ITPR1: variants seen among roughly 807,000 people sequenced by gnomAD.
ITPR1 encodes the protein inositol 1,4,5-trisphosphate receptor type 1.
A neutral mutation model predicts 318.4 loss-of-function variants in ITPR1; 96 were observed. The observed-to-expected ratio is 0.30, with a 90% CI of 0.26 to 0.36. The LOEUF (loss-of-function observed/expected upper bound fraction) is 0.36. Ranked by LOEUF, ITPR1 falls within the 10% of genes least tolerant of loss-of-function variation. The probability of loss-of-function intolerance (pLI) is 1.00; values close to 1 mark genes in which losing one functional copy is unlikely to be tolerated. For synonymous variants in ITPR1, 1,312 were observed against 1,289.9 expected, an observed-to-expected ratio of 1.02 and a Z score of -0.37; for missense variants, 2,440 against 3,460.2, an observed-to-expected ratio of 0.71 and a Z score of 7.40.
rs749264815 is a variant in ITPR1 at position 4,539,984 on chromosome 3, C to CAAAA, written c.163+18903_163+18906dup. Among the ~76,000 whole-genome samples, 168 of 94,396 alleles carry CAAAA rather than the reference C, an allele frequency of 1.8e-3. 2 individuals carry two copies. The highest frequency in any genetic ancestry group is 0.011 in the East Asian group (38 of 3,614). The allele number at this position is 94,396 out of a possible 152,430, so 61.9% of individuals were successfully genotyped here. A position where few individuals can be genotyped will look rare whatever the true frequency, so the allele number is the denominator to read the frequency against. ...AAGCAATGGAAAGCAGACTAAGATG[C>CAAAA]AAAAAAAAAAAAAAAAGGAAAATTA... On this transcript the variant is annotated intron_variant, in intron 4 of 61. Transcript: ENST00000649015.
intron 31 of ITPR1, 130 bp downstream of exon 31, chr3:4,688,750 A>C (rs1280858315): frequency 1.2e-6 from 1 of 852,612 alleles, no homozygotes; most frequent in Non-Finnish European, 1.8e-6. Flanking sequence ...CCAAAGGGGA[A>C]CATTTTCATC....
intron 54 of ITPR1, among the ~76,000 whole-genome samples, chr3:4,802,223 T>G (rs1021235738): frequency 6.6e-6 from 1 of 152,226 alleles, no homozygotes; most frequent in African/African-American, 2.4e-5. Flanking sequence ...TCTTTCTGTT[T>G]CCCAAACTTA....
At chr3:4,822,108 T>C (rs2049764997) in intron 60 of ITPR1, among the ~76,000 whole-genome samples, 1 of 152,234 alleles carries the variant, frequency 6.6e-6, no homozygotes, top group Admixed American at 6.5e-5. Context: ...GGGACTTTGC[T>C]GACCTGGGTT....
chr3:4,818,508 G>A (rs1277638353), intron 60 of ITPR1, among the ~76,000 whole-genome samples: 5 of 152,138 alleles, frequency 3.3e-5, no homozygotes, highest in Non-Finnish European at 7.4e-5. Flanking sequence ...ACGGAACTGG[G>A]GCTGGGATTT....
intron 4 of ITPR1, among the ~76,000 whole-genome samples, chr3:4,527,655 C>A (rs1456370554): frequency 6.6e-6 from 1 of 152,160 alleles, no homozygotes; most frequent in South Asian, 2.1e-4. Flanking sequence ...TCAACATATG[C>A]CCGGCTAGAA....
chr3:4,763,373 C>T (rs4685817), intron 44 of ITPR1, among the ~76,000 whole-genome samples: 112,925 of 152,040 alleles, frequency 0.74, 42,071 homozygotes, highest in East Asian at 0.92. Flanking sequence ...TAAAAAGTTT[C>T]TAAAAATTAC....
chr3:4,623,546 C>T (rs1311628242), intron 4 of ITPR1, among the ~76,000 whole-genome samples: 2 of 152,098 alleles, frequency 1.3e-5, no homozygotes, highest in South Asian at 2.1e-4. Flanking sequence ...TTCTCCTTCC[C>T]CCAAATAAAT....
chr3:4,693,575 G>A lies in ITPR1; in HGVS notation c.4115G>A (p.Arg1372Gln), dbSNP rs2125249432. The A allele has an allele frequency of 2.3e-5, 37 of 1,614,028 alleles. No homozygotes were observed. Among genetic ancestry groups the A allele is most frequent in the Non-Finnish European group, 3.1e-5 (36 of 1,179,894 alleles). Residue 1372 changes from arginine to glutamine, a missense_variant, in exon 33 of 62, where the codon CGG (arginine) becomes CAG (glutamine). This residue lies in a region of ITPR1 where 222 missense variants were observed against 318.8 expected (regional missense o/e 0.70). Transcript: ENST00000649015. The stretch of plus-strand genomic sequence containing the variant: ...CTGATCCAGATGATGCGGTCAGAAC[G>A]GGATCGGATGGATGAGAACAGCCCT... ...QTLIQMMRSERDRMDENSPLM... is the reference protein window; with the variant it reads ...QTLIQMMRSEQDRMDENSPLM...
chr3:4,841,528 A>G (rs959964766), intron 61 of ITPR1, among the ~76,000 whole-genome samples: 12 of 152,246 alleles, frequency 7.9e-5, no homozygotes, highest in African/African-American at 2.9e-4. Context: ...TGGGGCTACA[A>G]AGATGAATAG....
chr3:4,642,479 A>T (rs377746420), intron 7 of ITPR1, among the ~76,000 whole-genome samples: 2 of 152,340 alleles, frequency 1.3e-5, no homozygotes, highest in African/African-American at 2.4e-5. Context: ...AAAACATTGT[A>T]TGAACAGCCC....
intron 4 of ITPR1, among the ~76,000 whole-genome samples, chr3:4,527,218 C>G (rs1351095504): frequency 6.6e-6 from 1 of 152,164 alleles, no homozygotes; most frequent in East Asian, 1.9e-4. Flanking sequence ...ACTCTGTTGC[C>G]CAGGCTGGAT....
intron 23 of ITPR1, 41 bp downstream of exon 23, chr3:4,675,289 C>G (rs756590325): frequency 6.9e-7 from 1 of 1,441,008 alleles, no homozygotes; most frequent in Admixed American, 1.9e-5. Context: ...GAGATGCCCT[C>G]CAGCCTTTCC....
At chr3:4,817,991 A>T in intron 59 of ITPR1, 91 bp from the exon 60 acceptor site, 1 of 1,042,080 alleles carries the variant, frequency 9.6e-7, no homozygotes, top group Non-Finnish European at 1.4e-6. Flanking sequence ...GTGAAACCAC[A>T]GCCCCCTTTC....
intron 4 of ITPR1, among the ~76,000 whole-genome samples, chr3:4,567,562 G>C (rs13087672): frequency 0.27 from 40,891 of 151,860 alleles, 6,948 homozygotes; most frequent in Middle Eastern, 0.4. Context: ...GGGCTGAGGT[G>C]GGTCATGGAG....
chr3:4,810,970 T>G (rs2048903715), intron 55 of ITPR1, among the ~76,000 whole-genome samples: 1 of 152,246 alleles, frequency 6.6e-6, no homozygotes. Flanking sequence ...TCCCTTTGTC[T>G]CTGAAACTCA....
At chr3:4,583,482 T>G (rs1391737576) in intron 4 of ITPR1, among the ~76,000 whole-genome samples, 1 of 152,178 alleles carries the variant, frequency 6.6e-6, no homozygotes, top group Non-Finnish European at 1.5e-5. Flanking sequence ...GTTACAGGCC[T>G]CTCCTTGGCA....
intron 4 of ITPR1, among the ~76,000 whole-genome samples, chr3:4,616,355 TTATA>T (rs559864676): frequency 0.01 from 1,548 of 152,336 alleles, 15 homozygotes; most frequent in Middle Eastern, 0.017. Flanking sequence ...ATGGATTATT[TTATA>T]TTCCCCTCTC....
intron 13 of ITPR1, 101 bp downstream of exon 13, chr3:4,658,379 T>C: frequency 9.7e-7 from 1 of 1,030,904 alleles, no homozygotes; most frequent in Non-Finnish European, 1.4e-6. Flanking sequence ...TTCTTTTAGA[T>C]TTTTATAAAG....
At chr3:4,815,811 A>G (rs1368076913) in intron 59 of ITPR1, among the ~76,000 whole-genome samples, 1 of 152,052 alleles carries the variant, frequency 6.6e-6, no homozygotes, top group East Asian at 1.9e-4. Flanking sequence ...AAAAAAAAAG[A>G]TCAGTTTCCA....
Sources: gnomAD v4.1 joint callset for allele counts (sites outside exome capture counted in the v4.1 genomes callset) on GRCh38, gnomAD v4.1.1 for gene constraint, gnomAD v4.1.1 regional missense constraint, MANE v1.5 for transcripts, NCBI Gene and HGNC (gene_info 2026-07-23, HGNC 2026-07-21) for gene names.